The following MESD variants were observed in gnomAD, a reference collection of about 807,000 sequenced individuals.
MESD encodes the protein LRP chaperone MESD.
MESD carries 7 observed loss-of-function variants against 12.9 expected under a neutral mutation model. The observed-to-expected ratio is 0.54, with a 90% CI of 0.31 to 1.02. The LOEUF (loss-of-function observed/expected upper bound fraction) is 1.02, where lower values mean the gene tolerates loss of function less well. Among genes scored for constraint, MESD ranks in the 50% least tolerant of loss-of-function variants. The pLI, the probability that MESD is intolerant of heterozygous loss-of-function variation, is 0.05. For synonymous variants in MESD, 126 were observed against 115.6 expected (o/e 1.09, Z -0.58); for missense variants, 342 against 296.7 (o/e 1.15, Z -1.12).
intron 3 of MESD, among the ~76,000 whole-genome samples, chr15:80,960,897 A>G (rs1040814014): frequency 2.0e-5 from 3 of 152,162 alleles, no homozygotes; most frequent in Non-Finnish European, 4.4e-5. Flanking sequence ...GGTTTGGCCA[A>G]TTGGAGGCAC....
At chr15:80,973,056 G>A (rs184679851), downstream of MESD, among the ~76,000 whole-genome samples, 59 of 151,982 alleles carry the variant, frequency 3.9e-4, no homozygotes, top group Admixed American at 3.5e-3. Context: ...AAAAACCTTC[G>A]TTACTATATA....
chr15:80,962,093 C>T (rs1488026271), intron 3 of MESD, among the ~76,000 whole-genome samples: 4 of 152,168 alleles, frequency 2.6e-5, no homozygotes, highest in Non-Finnish European at 5.9e-5. Context: ...ATTCAGGAGA[C>T]CCATCTCACG....
chr15:80,982,212 T>C (rs757591226), intron 1 of MESD, 30 bp from the exon 2 acceptor site: 1 of 1,584,826 alleles, frequency 6.3e-7, no homozygotes, highest in Non-Finnish European at 8.7e-7. Flanking sequence ...GCATCAAACC[T>C]ATCATCAGAA....
rs570138672 is a variant in MESD at position 80,989,497 on chromosome 15, C to T, written c.213+82G>A. ...GAGGAGGTTAGGGGGTCAGAAAGGT[C>T]CCAAGACAGAACAGGTAAGGGGTCA... On this transcript the variant is annotated intron_variant, in intron 1 of 2. Coordinates refer to ENST00000261758, the MANE Select transcript of MESD (RefSeq NM_015154.3). 965 of 1,478,900 alleles carry T rather than the reference C, an allele frequency of 6.5e-4. 1 individual carries two copies. The African/African-American group carries it at 7.4e-3, about 11-fold the overall frequency. The allele number at this position is 1,478,900 out of a possible 1,614,324, so 91.6% of individuals were successfully genotyped here. A position where few individuals can be genotyped will look rare whatever the true frequency, so the allele number is the denominator to read the frequency against.
chr15:80,958,435 A>C (rs957965309), intron 3 of MESD, among the ~76,000 whole-genome samples: 1 of 152,136 alleles, frequency 6.6e-6, no homozygotes, highest in African/African-American at 2.4e-5. Context: ...GGTTCAAGCA[A>C]TTCTCCCACC....
downstream of MESD, among the ~76,000 whole-genome samples, chr15:80,973,850 A>G (rs1234303070): frequency 6.6e-6 from 1 of 152,108 alleles, no homozygotes; most frequent in East Asian, 1.9e-4. Context: ...TGCCCTTCAA[A>G]TTGTGTGCCT....
rs375045857 is a variant in MESD, at chr15:80,969,807, A to G, written c.*288+9124T>C. ...GAGGCGGAAGTTGCAGTGAGCCGAGATGGCGCCACTGCACTCCAGTCTGGG... is the reference window on the plus strand; with the variant it reads ...GAGGCGGAAGTTGCAGTGAGCCGAGGTGGCGCCACTGCACTCCAGTCTGGG... On this transcript the variant is annotated intron_variant, in intron 3 of 4. Transcript: ENST00000561312. Among the ~76,000 whole-genome samples the G allele has an allele frequency of 2.2e-3, 339 of 152,298 alleles. 2 individuals are homozygous for G. Among genetic ancestry groups the G allele is most frequent in the African/African-American group, 7.7e-3 (321 of 41,570 alleles).
At chr15:80,983,646 C>T (rs762625414) in intron 1 of MESD, among the ~76,000 whole-genome samples, 113 of 152,038 alleles carry the variant, frequency 7.4e-4, no homozygotes, top group Non-Finnish European at 1.5e-3. Context: ...GGAGAACAGG[C>T]TTATAGCAAG....
In MESD at chr15:80,981,998, G is replaced by A. The variant is rs778164192; in HGVS notation, c.398C>T (p.Thr133Met). Residue 133 changes from threonine (T) to methionine (M), a missense_variant, in exon 2 of 3, where the codon ACG becomes ATG. Coordinates refer to ENST00000261758, the MANE Select transcript of MESD (RefSeq NM_015154.3). ...SPTEKETEEITSLWQGSLFNA... is the reference protein window; with the variant it reads ...SPTEKETEEIMSLWQGSLFNA... ...GAAAAGGCTGCCCTGCCAGAGGCTC[G>A]TAATTTCCTCTGTCTCCTTCTCAGT... The A allele has an allele frequency of 1.1e-5, 17 of 1,614,008 alleles. No homozygotes were observed. The highest frequency in any genetic ancestry group is 6.6e-5 in the South Asian group (6 of 91,088).
intron 1 of MESD, among the ~76,000 whole-genome samples, chr15:80,982,562 G>T (rs1352230775): frequency 6.6e-6 from 1 of 152,198 alleles, no homozygotes; most frequent in Non-Finnish European, 1.5e-5. Flanking sequence ...AATGTTAAGT[G>T]ACAGAAGCCA....
At chr15:80,973,767 T>C (rs1030525656), downstream of MESD, among the ~76,000 whole-genome samples, 1 of 152,228 alleles carries the variant, frequency 6.6e-6, no homozygotes, top group African/African-American at 2.4e-5. Context: ...TTTTTGTTTT[T>C]TTTTTAAAGA....
chr15:80,983,894 C>CTTTTTTTTTTT (rs10570822), intron 1 of MESD, among the ~76,000 whole-genome samples: 2 of 88,502 alleles, frequency 2.3e-5, no homozygotes, highest in African/African-American at 4.1e-5. Flanking sequence ...AAAACAGTAA[C>CTTTTTTTTTTT]TTTTTTTTTT....
chr15:80,973,353 A>AAACAAC (rs760034135), downstream of MESD, among the ~76,000 whole-genome samples: 2 of 151,946 alleles, frequency 1.3e-5, no homozygotes, highest in East Asian at 3.9e-4. Context: ...TCTCTCGAGA[A>AAACAAC]AACAACAACA....
intron 4 of MESD, chr15:80,951,688 G>A (rs2141778631): frequency 6.5e-6 from 1 of 152,708 alleles, no homozygotes; most frequent in African/African-American, 2.4e-5. Flanking sequence ...GCATTGCTTG[G>A]AAGGGGTGTA....
intron 4 of MESD, chr15:80,950,054 C>G (rs983997897): frequency 2.0e-5 from 3 of 152,398 alleles, no homozygotes; most frequent in Admixed American, 2.0e-4. Context: ...GCCTCTGACT[C>G]CAAGAGGGTG....
At chr15:80,949,164 C>G (rs951404846) in intron 4 of MESD, 1 of 566,164 alleles carries the variant, frequency 1.8e-6, no homozygotes. Flanking sequence ...CATTCACTTT[C>G]CTGCAGCCTC....
chr15:80,960,461 G>A (rs1902066108), intron 3 of MESD, among the ~76,000 whole-genome samples: 3 of 151,392 alleles, frequency 2.0e-5, no homozygotes, highest in African/African-American at 7.3e-5. Context: ...TACACAAAGT[G>A]GAAAGAAGGA....
At chr15:80,984,785 CA>C (rs200600757) in intron 1 of MESD, among the ~76,000 whole-genome samples, 1 of 151,384 alleles carries the variant, frequency 6.6e-6, no homozygotes, top group Admixed American at 6.6e-5. Context: ...AAACAAAAAA[CA>C]AAAAAAAGCC....
chr15:80,975,099 T>G (rs1166956808), downstream of MESD, among the ~76,000 whole-genome samples: 2 of 150,438 alleles, frequency 1.3e-5, no homozygotes. Context: ...AGCTGAAAGG[T>G]AGAGCTGGGC....
Sources: gnomAD v4.1 joint callset for allele counts (sites outside exome capture counted in the v4.1 genomes callset) on GRCh38, gnomAD v4.1.1 for gene constraint, MANE v1.5 for transcripts, NCBI Gene and HGNC (gene_info 2026-07-23, HGNC 2026-07-21) for gene names.